GTF3C1: variants seen among roughly 807,000 people sequenced by gnomAD.
GTF3C1 encodes the protein general transcription factor 3C polypeptide 1.
GTF3C1 carries 57 observed loss-of-function variants against 226.7 expected under a neutral mutation model. That is an observed-to-expected ratio of 0.25 (90% CI 0.20 to 0.31). The LOEUF is 0.31. GTF3C1 is among the 10% of genes least tolerant of loss of function. GTF3C1 has a pLI of 1.00. For synonymous variants in GTF3C1, 1,090 were observed against 1,084.8 expected, an observed-to-expected ratio of 1.00 and a Z score of -0.09; for missense variants, 2,217 against 2,776.1, an observed-to-expected ratio of 0.80 and a Z score of 4.53.
At chr16:27,514,756 A>C (rs993379008) in intron 6 of GTF3C1, among the ~76,000 whole-genome samples, 1 of 152,282 alleles carries the variant, frequency 6.6e-6, no homozygotes, top group Admixed American at 6.5e-5. Flanking sequence ...TAAGGAGCCA[A>C]GGAATTCACA....
Position 27,545,311 on chromosome 16 carries a change from T to C in GTF3C1, c.431+3A>G, listed in dbSNP as rs1331296730. ...GGAATTTCTGATGGTGCAAAATAGT[T>C]ACCTGTCAAAGGCTTCCACCATTGT... On this transcript the variant is annotated splice_donor_region_variant and intron_variant, in intron 2 of 36. Coordinates refer to ENST00000356183, the MANE Select transcript of GTF3C1 (RefSeq NM_001520.4). 6 of 1,603,754 alleles carry C rather than the reference T, an allele frequency of 3.7e-6. No homozygotes were observed. The highest frequency in any genetic ancestry group is 4.3e-6 in the Non-Finnish European group (5 of 1,170,608).
intron 4 of GTF3C1, among the ~76,000 whole-genome samples, chr16:27,536,956 T>C (rs994307807): frequency 5.9e-5 from 9 of 152,168 alleles, no homozygotes; most frequent in Non-Finnish European, 1.3e-4. Context: ...ATGGCAAGGA[T>C]GAAGAAGTCA....
chr16:27,505,883 C>G lies in GTF3C1; in HGVS notation c.1770+16G>C. On this transcript the variant is annotated intron_variant, in intron 10 of 36. Coordinates refer to ENST00000356183, the MANE Select transcript of GTF3C1 (RefSeq NM_001520.4). The stretch of plus-strand genomic sequence containing the variant: ...CTCCTTCTTGGAGACAGCTCCCTCC[C>G]TCTGCATGCACTGACCTTTGGGTTT... 7.0e-7 allele frequency: 1 copy of G among 1,430,110 alleles called. No homozygotes were observed. The highest frequency in any genetic ancestry group is 9.9e-7 in the Non-Finnish European group (1 of 1,012,494). The allele number at this position is 1,430,110 out of a possible 1,614,324, so 88.6% of individuals were successfully genotyped here. A position where few individuals can be genotyped will look rare whatever the true frequency, so the allele number is the denominator to read the frequency against.
Position 27,470,135 on chromosome 16 carries a change from G to A in GTF3C1, c.4787C>T (p.Ser1596Leu), listed in dbSNP as rs758561539. Residue 1596 changes from serine (S) to leucine (L), a missense_variant, in exon 31 of 37, where the codon TCA becomes TTA. Ser to Leu is a moderately radical substitution (Grantham distance 145). Coordinates refer to ENST00000356183, the MANE Select transcript of GTF3C1 (RefSeq NM_001520.4). The surrounding 1 kb of genome is among the most constrained non-coding windows in gnomAD (Gnocchi z 4.9). ...IPEQIIVVDS[S>L]MVENEVIKSL... is the part of the protein sequence containing the mutation. ...TTTGATGACCTCATTCTCCACCATTGAGCTGTCTACCACGATGATCTGCTC... is the reference window on the plus strand; with the variant it reads ...TTTGATGACCTCATTCTCCACCATTAAGCTGTCTACCACGATGATCTGCTC... 5.0e-6 allele frequency: 8 copies of A among 1,613,770 alleles called. No individual in the cohort carries two copies. Among genetic ancestry groups the A allele is most frequent in the Non-Finnish European group, 2.5e-6 (3 of 1,179,900 alleles).
chr16:27,488,129 G>A, intron 23 of GTF3C1, 98 bp downstream of exon 23: 1 of 1,034,250 alleles, frequency 9.7e-7, no homozygotes, highest in Non-Finnish European at 1.4e-6. Flanking sequence ...AACCCGTGCT[G>A]AAGGGCAGAG....
Position 27,471,387 on chromosome 16 carries a change from C to T in GTF3C1, c.4526+361G>A, listed in dbSNP as rs1469919475. 6.6e-6 allele frequency among the ~76,000 whole-genome samples: 1 copy of T among 152,202 alleles called. No individual in the cohort carries two copies. The highest frequency in any genetic ancestry group is 1.5e-5 in the Non-Finnish European group (1 of 68,040). On this transcript the variant is annotated intron_variant, in intron 30 of 36. Coordinates refer to ENST00000356183, the MANE Select transcript of GTF3C1 (RefSeq NM_001520.4). This position sits in a 1 kb window ranked among gnomAD's most constrained non-coding sequence, Gnocchi z 5.0. ...TGCTGCGAATGGGCCCAGGAGGCTT[C>T]CCAGGTCTCAGGGCTACGCGGAAGA...
At chr16:27,486,663 A>G (rs891040281) in intron 23 of GTF3C1, among the ~76,000 whole-genome samples, 40 of 152,224 alleles carry the variant, frequency 2.6e-4, no homozygotes, top group African/African-American at 9.6e-4. Context: ...AGGAGACTGC[A>G]TATAAAACAT....
intron 1 of GTF3C1, 39 bp downstream of exon 1, chr16:27,549,631 G>GCCCCCCCCCCCCCCC: frequency 1.4e-6 from 1 of 691,950 alleles, no homozygotes; most frequent in Non-Finnish European, 2.4e-6. Context: ...CGGGCCCTGC[G>GCCCCCCCCCCCCCCC]CCCGCCCGCC....
At chr16:27,520,689 CTGAG>C (rs1273623995) in intron 6 of GTF3C1, among the ~76,000 whole-genome samples, 3 of 152,156 alleles carry the variant, frequency 2.0e-5, no homozygotes, top group Non-Finnish European at 2.9e-5. Context: ...AACCCTTGGG[CTGAG>C]TTAGTAGCTG....
At chr16:27,493,589 A>G (rs1000153841) in intron 16 of GTF3C1, among the ~76,000 whole-genome samples, 4 of 152,202 alleles carry the variant, frequency 2.6e-5, no homozygotes, top group African/African-American at 9.6e-5. Flanking sequence ...ATATACATTT[A>G]TATTTTAAAC....
intron 20 of GTF3C1, among the ~76,000 whole-genome samples, 188 bp downstream of exon 20, chr16:27,489,414 C>A (rs531414276): frequency 2.0e-5 from 3 of 152,294 alleles, no homozygotes; most frequent in Admixed American, 1.3e-4. Flanking sequence ...TTTTGACAAC[C>A]GATTACATTT....
chr16:27,546,079 C>T (rs1257476657), intron 1 of GTF3C1, among the ~76,000 whole-genome samples: 1 of 152,126 alleles, frequency 6.6e-6, no homozygotes, highest in Non-Finnish European at 1.5e-5. Flanking sequence ...AACTCCTGAC[C>T]TCGGTGATCC....
At chr16:27,476,589 G>T in intron 28 of GTF3C1, 45 bp from the exon 29 acceptor site, 1 of 1,077,786 alleles carries the variant, frequency 9.3e-7, no homozygotes, top group Non-Finnish European at 1.4e-6. Flanking sequence ...CACAGGCACT[G>T]CTCAGCTCAG....
At position 27,469,206 on chromosome 16, in the gene GTF3C1, AG is replaced by A. The variant is rs36006567; in HGVS notation, c.5074+84del. 7.4e-7 allele frequency: 1 copy of A among 1,354,490 alleles called. No individual in the cohort carries two copies. The highest frequency in any genetic ancestry group is 1.5e-5 in the African/African-American group (1 of 68,264). The allele number at this position is 1,354,490 out of a possible 1,614,324, so 83.9% of individuals were successfully genotyped here. A position where few individuals can be genotyped will look rare whatever the true frequency, so the allele number is the denominator to read the frequency against. On this transcript the variant is annotated intron_variant, in intron 32 of 36. Coordinates refer to ENST00000356183, the MANE Select transcript of GTF3C1 (RefSeq NM_001520.4). The surrounding 1 kb of genome is among the most constrained non-coding windows in gnomAD (Gnocchi z 4.5). ...TGCACGCCTGGCCTGGGGAGCCTGA[AG>A]GTCTAGGTCCCAGGCCAGGCCTCAG...
chr16:27,468,088 G>C (rs2087810871), intron 32 of GTF3C1, among the ~76,000 whole-genome samples: 1 of 152,058 alleles, frequency 6.6e-6, no homozygotes, highest in Non-Finnish European at 1.5e-5. Flanking sequence ...ACTTTGAGGG[G>C]TTCAAGTCTT....
At chr16:27,534,360 G>A (rs573616214) in intron 4 of GTF3C1, among the ~76,000 whole-genome samples, 2 of 152,290 alleles carry the variant, frequency 1.3e-5, no homozygotes, top group East Asian at 1.9e-4. Context: ...TGGCCAGTTC[G>A]GCTGGACAAG....
rs778355138 is a variant in GTF3C1 at position 27,506,886 on chromosome 16, G to T, written c.1513C>A (p.Arg505=). ...QKDTRASANL[R]PKTQPHHSTP... ...GAGTGATGAGGCTGGGTCTTGGGCCGGAGGTTTGCAGAGGCTCTTGTGTCT... is the reference window on the plus strand; with the variant it reads ...GAGTGATGAGGCTGGGTCTTGGGCCTGAGGTTTGCAGAGGCTCTTGTGTCT... The change falls in exon 9 of 37, where the codon CGG becomes AGG. Residue 505 remains arginine (R), a synonymous_variant. Coordinates refer to ENST00000356183, the MANE Select transcript of GTF3C1 (RefSeq NM_001520.4). The T allele has an allele frequency of 1.2e-6, 2 of 1,612,960 alleles. No homozygotes were observed. The highest frequency in any genetic ancestry group is 1.7e-5 in the Admixed American group (1 of 59,972).
chr16:27,470,368 G>T lies in GTF3C1; in HGVS notation c.4554C>A (p.Thr1518=). 1 of 1,613,592 alleles carries T rather than the reference G, an allele frequency of 6.2e-7. No homozygotes were observed. The highest frequency in any genetic ancestry group is 8.5e-7 in the Non-Finnish European group (1 of 1,179,702). Residue 1518 remains threonine, a synonymous_variant, in exon 31 of 37, where the codon ACC becomes ACA. Transcript: ENST00000356183. This position sits in a 1 kb window ranked among gnomAD's most constrained non-coding sequence, Gnocchi z 4.9. The stretch of plus-strand genomic sequence containing the variant: ...AAAACTGGAATGACTCCGTGCAGAT[G>T]GTGCTTGGAAATCGCCACGTAAAAA... ...YRIFTWRFPS[T]ICTESFQFLD...
In GTF3C1 at chr16:27,488,380, C is replaced by T; in HGVS notation, c.3547G>A (p.Val1183Ile). 6.2e-7 allele frequency: 1 copy of T among 1,613,668 alleles called. No individual in the cohort carries two copies. Among genetic ancestry groups the T allele is most frequent in the African/African-American group, 1.3e-5 (1 of 75,060 alleles). Residue 1183 changes from valine to isoleucine, a missense_variant, in exon 23 of 37, where the codon GTA becomes ATA. By Grantham distance (29) the Val-to-Ile change is conservative. Around this residue, in one of 12 missense-constraint regions of GTF3C1, gnomAD observed 546 missense variants for 663.0 expected, o/e 0.82. Coordinates refer to ENST00000356183, the MANE Select transcript of GTF3C1 (RefSeq NM_001520.4). ...CAGCCAGCACAGAGCTCGGAGCCTACTCTTGCTTCCCCCCAAATATTCAAC... is the reference window on the plus strand; with the variant it reads ...CAGCCAGCACAGAGCTCGGAGCCTATTCTTGCTTCCCCCCAAATATTCAAC... ...SRLNIWGEARVGSELCAGWEE... is the reference protein window; with the variant it reads ...SRLNIWGEARIGSELCAGWEE...
Sources: allele counts gnomAD v4.1 joint callset (sites outside exome capture counted in the v4.1 genomes callset), GRCh38; gene constraint gnomAD v4.1.1; regional missense constraint gnomAD v4.1.1; non-coding constraint Gnocchi (gnomAD v3.1); transcripts MANE v1.5; gene names NCBI Gene and HGNC (gene_info 2026-07-23, HGNC 2026-07-21).